The following GABBR2 variants were observed in gnomAD, a reference collection of about 807,000 sequenced individuals.
GABBR2 encodes the protein G-protein coupled receptor 51.
Under a neutral mutation model 105.6 loss-of-function variants are expected in GABBR2, and 23 were observed. The ratio of observed to expected loss-of-function variants is 0.22; its 90% CI spans 0.16 to 0.31. The LOEUF is 0.31. Ranked by LOEUF, GABBR2 falls within the 10% of genes least tolerant of loss-of-function variation. The pLI is 1.00. For synonymous variants in GABBR2, 478 were observed against 499.7 expected, an observed-to-expected ratio of 0.96 and a Z score of 0.58; for missense variants, 734 against 1,245.5, an observed-to-expected ratio of 0.59 and a Z score of 6.18.
intron 5 of GABBR2, among the ~76,000 whole-genome samples, chr9:98,478,971 G>C (rs1826853802): frequency 6.6e-6 from 1 of 152,152 alleles, no homozygotes; most frequent in Non-Finnish European, 1.5e-5. Flanking sequence ...TTTTGTAAAA[G>C]AAAGCACGCT....
At chr9:98,543,311 TAGAG>T (rs1437684990) in intron 2 of GABBR2, among the ~76,000 whole-genome samples, 1 of 151,720 alleles carries the variant, frequency 6.6e-6, no homozygotes, top group Non-Finnish European at 1.5e-5. Flanking sequence ...GCATTTTTCT[TAGAG>T]TGAGTGAAGT....
intron 3 of GABBR2, among the ~76,000 whole-genome samples, chr9:98,509,052 G>A (rs112937268): frequency 0.11 from 17,351 of 152,158 alleles, 1,651 homozygotes; most frequent in East Asian, 0.5. Context: ...ACACGACTGG[G>A]TACTCCTCTG....
chr9:98,396,472 G>A (rs1832292401), intron 8 of GABBR2, among the ~76,000 whole-genome samples: 1 of 152,178 alleles, frequency 6.6e-6, no homozygotes, highest in Admixed American at 6.5e-5. Flanking sequence ...CGTGGGTGGT[G>A]GAAACAGGGG....
chr9:98,562,358 TA>T (rs1380690017), intron 2 of GABBR2, among the ~76,000 whole-genome samples: 10 of 152,192 alleles, frequency 6.6e-5, no homozygotes. Flanking sequence ...TGTGTCCAAA[TA>T]AATTCCAATA....
intron 4 of GABBR2, among the ~76,000 whole-genome samples, chr9:98,486,709 G>A (rs554030986): frequency 5.3e-5 from 8 of 152,356 alleles, no homozygotes; most frequent in African/African-American, 1.7e-4. Flanking sequence ...AGGCAGCTGA[G>A]CTGTTAGAGG....
At chr9:98,318,213 TC>T (rs1830752772) in intron 13 of GABBR2, among the ~76,000 whole-genome samples, 1 of 152,102 alleles carries the variant, frequency 6.6e-6, no homozygotes, top group South Asian at 2.1e-4. Context: ...AGGTGCGCGG[TC>T]CCGGGTGGGG....
intron 7 of GABBR2, among the ~76,000 whole-genome samples, chr9:98,438,895 C>T (rs918573524): frequency 3.3e-5 from 5 of 151,300 alleles, no homozygotes; most frequent in African/African-American, 1.2e-4. Flanking sequence ...CCTCTCCCTT[C>T]TCTCTCTCTC....
intron 3 of GABBR2, among the ~76,000 whole-genome samples, chr9:98,541,541 G>C (rs1828304522): frequency 6.6e-6 from 1 of 151,866 alleles, no homozygotes; most frequent in East Asian, 1.9e-4. Flanking sequence ...CACACCCCCT[G>C]GTAGAACTTT....
At chr9:98,626,282 G>A (rs976622176) in intron 1 of GABBR2, among the ~76,000 whole-genome samples, 24 of 152,204 alleles carry the variant, frequency 1.6e-4, no homozygotes, top group African/African-American at 4.8e-4. Context: ...TGGCTCCAGG[G>A]TTTCTTTCTG....
chr9:98,331,723 G>A (rs938772554), intron 13 of GABBR2, among the ~76,000 whole-genome samples: 1 of 152,196 alleles, frequency 6.6e-6, no homozygotes, highest in African/African-American at 2.4e-5. Flanking sequence ...AGGACAGGCT[G>A]TGCTGAGCAC....
chr9:98,308,414 G>T (rs1830584303), intron 14 of GABBR2, among the ~76,000 whole-genome samples: 1 of 152,184 alleles, frequency 6.6e-6, no homozygotes, highest in Admixed American at 6.5e-5. Context: ...TTCTAGAAAA[G>T]CACTCCATCT....
chr9:98,629,018 G>A (rs771129002), intron 1 of GABBR2, among the ~76,000 whole-genome samples: 1 of 152,126 alleles, frequency 6.6e-6, no homozygotes, highest in Non-Finnish European at 1.5e-5. Context: ...TTGAAACGAA[G>A]TCTAAGTCAG....
intron 2 of GABBR2, among the ~76,000 whole-genome samples, chr9:98,560,568 A>G (rs146628445): frequency 4.5e-4 from 69 of 152,166 alleles, no homozygotes; most frequent in Non-Finnish European, 8.4e-4. Flanking sequence ...AAAAATATTT[A>G]AAGAAGTTGA....
intron 1 of GABBR2, among the ~76,000 whole-genome samples, chr9:98,642,393 C>G (rs779475297): frequency 2.0e-4 from 31 of 152,240 alleles, no homozygotes; most frequent in Non-Finnish European, 3.2e-4. Flanking sequence ...TCAGCAGTCT[C>G]TATGCCTCTT....
chr9:98,362,898 T>C, intron 12 of GABBR2, 61 bp from the exon 13 acceptor site: 1 of 1,417,526 alleles, frequency 7.1e-7, no homozygotes, highest in South Asian at 1.7e-5. Flanking sequence ...ACGCAGCAAC[T>C]GGGGGCCCAG....
chr9:98,497,198 T>C (rs2131672142), intron 3 of GABBR2, among the ~76,000 whole-genome samples: 1 of 152,170 alleles, frequency 6.6e-6, no homozygotes, highest in African/African-American at 2.4e-5. Context: ...GCCCAGGAGT[T>C]CAAGACTGCA....
chr9:98,527,516 G>C (rs1216756199), intron 3 of GABBR2, among the ~76,000 whole-genome samples: 2 of 152,112 alleles, frequency 1.3e-5, no homozygotes, highest in African/African-American at 4.8e-5. Context: ...AATGTAGCCA[G>C]TCATAAGATG....
intron 2 of GABBR2, among the ~76,000 whole-genome samples, chr9:98,555,233 C>T (rs1274306630): frequency 6.6e-6 from 1 of 152,196 alleles, no homozygotes; most frequent in Non-Finnish European, 1.5e-5. Flanking sequence ...TTCCACCTCC[C>T]TAGGGAAGGC....
intron 8 of GABBR2, among the ~76,000 whole-genome samples, chr9:98,405,374 C>T (rs1002395144): frequency 6.6e-6 from 1 of 152,050 alleles, no homozygotes; most frequent in African/African-American, 2.4e-5. Context: ...ATGCTATGAA[C>T]GCATCTGTGG....
Sources: allele counts gnomAD v4.1 joint callset (sites outside exome capture counted in the v4.1 genomes callset), GRCh38; gene constraint gnomAD v4.1.1; transcripts MANE v1.5; gene names NCBI Gene and HGNC (gene_info 2026-07-23, HGNC 2026-07-21).